SAMD4A: variants seen among roughly 807,000 people sequenced by gnomAD.
SAMD4A encodes the protein sterile alpha motif domain containing 4A.
Under a neutral mutation model 81.3 loss-of-function variants are expected in SAMD4A, and 33 were observed. The ratio of observed to expected loss-of-function variants is 0.41; its 90% CI spans 0.31 to 0.54. The LOEUF is 0.54. Among genes scored for constraint, SAMD4A ranks in the 20% least tolerant of loss-of-function variants. The probability of loss-of-function intolerance (pLI) is 0.37; values close to 1 mark genes in which losing one functional copy is unlikely to be tolerated. For synonymous variants in SAMD4A, 389 were observed against 382.1 expected, an observed-to-expected ratio of 1.02 and a Z score of -0.21; for missense variants, 854 against 951.1, an observed-to-expected ratio of 0.90 and a Z score of 1.34.
intron 2 of SAMD4A, among the ~76,000 whole-genome samples, chr14:54,583,790 A>G (rs1246814169): frequency 6.6e-6 from 1 of 152,266 alleles, no homozygotes; most frequent in Non-Finnish European, 1.5e-5. Flanking sequence ...GGTTATTTGT[A>G]ACACTGGGAT....
At chr14:54,687,460 A>T in intron 2 of SAMD4A, 1 of 416,938 alleles carries the variant, frequency 2.4e-6, no homozygotes, top group Admixed American at 3.1e-5. Flanking sequence ...AAACAAAAAA[A>T]GGCAGCCAAA....
intron 2 of SAMD4A, among the ~76,000 whole-genome samples, chr14:54,575,738 C>G (rs903926454): frequency 6.6e-6 from 1 of 152,148 alleles, no homozygotes; most frequent in Admixed American, 6.6e-5. Context: ...GTTTTACTTA[C>G]GCATGTAAGC....
chr14:54,730,979 A>T (rs2037545781), intron 3 of SAMD4A, among the ~76,000 whole-genome samples: 1 of 152,198 alleles, frequency 6.6e-6, no homozygotes, highest in Admixed American at 6.5e-5. Context: ...TTTTAAAGCA[A>T]ATGCCTGGAA....
At chr14:54,708,061 A>G (rs959939749) in intron 3 of SAMD4A, among the ~76,000 whole-genome samples, 6 of 152,226 alleles carry the variant, frequency 3.9e-5, no homozygotes, top group African/African-American at 1.4e-4. Context: ...TGCTGTCTTA[A>G]GAATAGATAG....
Position 54,760,415 on chromosome 14 carries a change from C to T in SAMD4A, c.1431C>T (p.Ser477=). 4 of 1,459,676 alleles carry T rather than the reference C, an allele frequency of 2.7e-6. No individual in the cohort carries two copies. In the South Asian group the frequency reaches 5.7e-5, roughly 21 times the overall value. The allele number at this position is 1,459,676 out of a possible 1,614,324, so 90.4% of individuals were successfully genotyped here. ...ASGGLQPHQL[S]SCDGELAVAP... is the part of the protein sequence containing the mutation. ...GGGGGCTCCAGCCGCACCAGCTGAG[C>T]AGCTGCGATGGGGAGCTGGCCGTCG... Residue 477 remains serine (S), a synonymous_variant, in exon 7 of 13, where the codon AGC becomes AGT. Coordinates refer to ENST00000554335, the MANE Select transcript of SAMD4A (RefSeq NM_015589.6).
intron 2 of SAMD4A, among the ~76,000 whole-genome samples, chr14:54,661,785 A>C (rs1046200666): frequency 6.6e-6 from 1 of 152,196 alleles, no homozygotes; most frequent in Non-Finnish European, 1.5e-5. Flanking sequence ...ACACCTCTAC[A>C]TGGCCTGAAG....
intron 2 of SAMD4A, among the ~76,000 whole-genome samples, chr14:54,599,068 C>T (rs537586976): frequency 6.6e-6 from 1 of 152,300 alleles, no homozygotes; most frequent in South Asian, 2.1e-4. Flanking sequence ...GATCCTCCCA[C>T]CTCGGCCTCC....
chr14:54,635,987 G>T (rs574231054), intron 2 of SAMD4A, among the ~76,000 whole-genome samples: 1 of 152,350 alleles, frequency 6.6e-6, no homozygotes, highest in Non-Finnish European at 1.5e-5. Context: ...ACATTCTAAT[G>T]GGAGGATGTG....
intron 6 of SAMD4A, among the ~76,000 whole-genome samples, chr14:54,754,477 G>A (rs1408615671): frequency 2.6e-5 from 4 of 152,144 alleles, no homozygotes; most frequent in South Asian, 2.1e-4. Context: ...TTGTCCCTGC[G>A]TGAGCTGATG....
chr14:54,732,346 C>T (rs1405541219), intron 3 of SAMD4A, among the ~76,000 whole-genome samples: 1 of 152,004 alleles, frequency 6.6e-6, no homozygotes, highest in Non-Finnish European at 1.5e-5. Context: ...GTATTTCATC[C>T]ACTAACAAGG....
chr14:54,595,405 A>G (rs970829647), intron 2 of SAMD4A, among the ~76,000 whole-genome samples: 7 of 148,814 alleles, frequency 4.7e-5, no homozygotes, highest in Admixed American at 2.0e-4. Context: ...ATATATATGT[A>G]TACATGTGTT....
intron 2 of SAMD4A, among the ~76,000 whole-genome samples, chr14:54,642,885 G>A (rs1169204695): frequency 6.6e-6 from 1 of 152,186 alleles, no homozygotes; most frequent in Non-Finnish European, 1.5e-5. Context: ...CAGTGTCACT[G>A]GTTCACCAGA....
At chr14:54,688,523 C>T (rs1484057435) in intron 2 of SAMD4A, among the ~76,000 whole-genome samples, 2 of 152,166 alleles carry the variant, frequency 1.3e-5, no homozygotes, top group Non-Finnish European at 2.9e-5. Flanking sequence ...CTCTTCAAAC[C>T]CAAACGGGCC....
chr14:54,654,244 C>G (rs2035470651), intron 2 of SAMD4A, among the ~76,000 whole-genome samples: 1 of 152,224 alleles, frequency 6.6e-6, no homozygotes, highest in African/African-American at 2.4e-5. Context: ...GTGTCCTGAA[C>G]TCTGCCCAGC....
intron 11 of SAMD4A, among the ~76,000 whole-genome samples, chr14:54,777,478 G>A (rs745705946): frequency 6.6e-6 from 1 of 152,206 alleles, no homozygotes; most frequent in Non-Finnish European, 1.5e-5. Flanking sequence ...GCATGGCCCG[G>A]AAGCCGTGGC....
chr14:54,651,160 G>A (rs1282531125), intron 2 of SAMD4A, among the ~76,000 whole-genome samples: 1 of 152,220 alleles, frequency 6.6e-6, no homozygotes, highest in East Asian at 1.9e-4. Flanking sequence ...GAGCTCTTTG[G>A]TCTTTCTCTT....
chr14:54,738,449 A>G (rs2037754359), intron 4 of SAMD4A, among the ~76,000 whole-genome samples: 8 of 152,178 alleles, frequency 5.3e-5, no homozygotes, highest in Admixed American at 5.2e-4. Flanking sequence ...TGTCCTCTCC[A>G]TCCCACCCCC....
At chr14:54,609,956 C>CT (rs1352770259) in intron 2 of SAMD4A, among the ~76,000 whole-genome samples, 5 of 152,080 alleles carry the variant, frequency 3.3e-5, no homozygotes, top group Non-Finnish European at 5.9e-5. Flanking sequence ...TATGATTTTA[C>CT]TTTTTTTGTT....
At chr14:54,729,952 G>A (rs537754978) in intron 3 of SAMD4A, among the ~76,000 whole-genome samples, 5 of 152,232 alleles carry the variant, frequency 3.3e-5, no homozygotes, top group African/African-American at 7.2e-5. Context: ...TCAAACAGCC[G>A]TTATCTAAAA....
Sources: allele counts gnomAD v4.1 joint callset (sites outside exome capture counted in the v4.1 genomes callset), GRCh38; gene constraint gnomAD v4.1.1; transcripts MANE v1.5; gene names NCBI Gene and HGNC (gene_info 2026-07-23, HGNC 2026-07-21).